The following HOOK3 variants were observed in gnomAD, a reference collection of about 807,000 sequenced individuals.
HOOK3 encodes protein Hook homolog 3.
A neutral mutation model predicts 116.3 loss-of-function variants in HOOK3; 24 were observed. The ratio of observed to expected loss-of-function variants is 0.21; its 90% CI spans 0.15 to 0.29. HOOK3 has a LOEUF of 0.29. Ranked by LOEUF, HOOK3 falls within the 10% of genes least tolerant of loss-of-function variation. HOOK3 has a pLI of 1.00. For synonymous variants in HOOK3, 275 were observed against 283.0 expected (o/e 0.97, Z 0.28); for missense variants, 632 against 830.2 (o/e 0.76, Z 2.93).
intron 4 of HOOK3, among the ~76,000 whole-genome samples, chr8:42,940,012 C>T (rs191623089): frequency 0.024 from 3,598 of 150,142 alleles, 146 homozygotes; most frequent in African/African-American, 0.083. Flanking sequence ...GGCAGCCAGG[C>T]AGAGGGGCTC....
chr8:42,902,390 G>A (rs565364978), intron 1 of HOOK3, among the ~76,000 whole-genome samples: 3 of 151,054 alleles, frequency 2.0e-5, no homozygotes, highest in Non-Finnish European at 2.9e-5. Context: ...TCCCACCTCC[G>A]CCTCCTGAAT....
chr8:42,913,084 A>T (rs1291809416), intron 2 of HOOK3, among the ~76,000 whole-genome samples: 1 of 150,460 alleles, frequency 6.6e-6, no homozygotes, highest in Non-Finnish European at 1.5e-5. Flanking sequence ...TTGATGGCTC[A>T]TTTTTTTTTA....
intron 4 of HOOK3, among the ~76,000 whole-genome samples, chr8:42,931,590 C>G (rs1249026965): frequency 6.7e-6 from 1 of 148,394 alleles, no homozygotes; most frequent in Non-Finnish European, 1.5e-5. Flanking sequence ...TGCCACCATG[C>G]CCGGCTAATT....
At chr8:42,925,079 G>C (rs974294104) in intron 2 of HOOK3, among the ~76,000 whole-genome samples, 1 of 151,684 alleles carries the variant, frequency 6.6e-6, no homozygotes, top group Non-Finnish European at 1.5e-5. Context: ...TTTTTTTGTT[G>C]TTGTTGTTTT....
At chr8:42,969,781 C>T (rs1301556687) in intron 11 of HOOK3, among the ~76,000 whole-genome samples, 3 of 152,078 alleles carry the variant, frequency 2.0e-5, no homozygotes, top group Non-Finnish European at 4.4e-5. Flanking sequence ...TGTAAATTTC[C>T]TATTTTTATC....
rs1342877925 is a variant in HOOK3, at chr8:43,025,705, TGATGA to T, written c.*7215_*7219del. ...TTAGGTCGCCAAGGATACTATGATT[TGATGA>T]GATGAGAAGAAATCTGCGGTGGCTG... On this transcript the variant is annotated 3_prime_UTR_variant, in exon 22 of 22. Transcript: ENST00000307602. 1 of 215,018 alleles carries T rather than the reference TGATGA, an allele frequency of 4.7e-6. No homozygotes were observed. Among genetic ancestry groups the T allele is most frequent in the African/African-American group, 2.3e-5 (1 of 44,286 alleles). The allele number at this position is 215,018 out of a possible 1,614,324, so 13.3% of individuals were successfully genotyped here. A position where few individuals can be genotyped will look rare whatever the true frequency, so the allele number is the denominator to read the frequency against.
intron 4 of HOOK3, among the ~76,000 whole-genome samples, chr8:42,930,937 G>A (rs899612692): frequency 2.6e-5 from 4 of 152,098 alleles, no homozygotes; most frequent in Admixed American, 1.3e-4. Flanking sequence ...AAGTAGTCTC[G>A]CTGGTGACCC....
chr8:42,901,040 T>C (rs994587573), intron 1 of HOOK3, among the ~76,000 whole-genome samples: 29 of 152,256 alleles, frequency 1.9e-4, no homozygotes, highest in African/African-American at 6.8e-4. Flanking sequence ...GTGTGGGCAC[T>C]GCACTATGCG....
intron 4 of HOOK3, among the ~76,000 whole-genome samples, chr8:42,931,425 CTTTTTTTTTTTT>C (rs764965780): frequency 9.9e-6 from 1 of 100,584 alleles, no homozygotes; most frequent in African/African-American, 4.4e-5. Context: ...CTTCTCTTCT[CTTTTTTTTTTTT>C]TTTTTTTTTT....
chr8:42,981,305 G>T (rs539405368), intron 13 of HOOK3, among the ~76,000 whole-genome samples: 1 of 151,574 alleles, frequency 6.6e-6, no homozygotes, highest in Non-Finnish European at 1.5e-5. Context: ...CGCCCACCTC[G>T]GCCTCCCAAA....
chr8:42,940,157 G>A (rs529907653), intron 4 of HOOK3, among the ~76,000 whole-genome samples: 1 of 152,380 alleles, frequency 6.6e-6, no homozygotes, highest in Non-Finnish European at 1.5e-5. Flanking sequence ...GCTGCAGCGA[G>A]CTGAGATCAC....
intron 16 of HOOK3, 88 bp from the exon 17 acceptor site, chr8:43,002,019 T>G: frequency 2.4e-6 from 2 of 844,100 alleles, no homozygotes; most frequent in Non-Finnish European, 3.8e-6. Context: ...TCACTCAAAA[T>G]TAATGACTAT....
intron 13 of HOOK3, among the ~76,000 whole-genome samples, chr8:42,982,254 TAAAAAAAAAAAAAAAAG>T (rs1332530458): frequency 2.2e-5 from 2 of 89,624 alleles, no homozygotes; most frequent in Non-Finnish European, 4.4e-5. Flanking sequence ...GACTCTGTCT[TAAAAAAAAAAAAAAAAG>T]AAAAAAAAAA....
intron 2 of HOOK3, among the ~76,000 whole-genome samples, chr8:42,907,712 G>T (rs1172558995): frequency 1.4e-5 from 2 of 141,656 alleles, no homozygotes; most frequent in African/African-American, 5.2e-5. Flanking sequence ...CCAGAAGAAA[G>T]AAAGTATATA....
chr8:42,948,160 G>A (rs1808270782), intron 5 of HOOK3, among the ~76,000 whole-genome samples: 1 of 152,086 alleles, frequency 6.6e-6, no homozygotes, highest in Admixed American at 6.6e-5. Context: ...TATGTGACTT[G>A]CCCAATACTT....
In HOOK3 at chr8:43,027,416, G is replaced by GTTTTT. The variant is rs1809951703; in HGVS notation, c.*8920_*8921insTTTTT. On this transcript the variant is annotated 3_prime_UTR_variant, in exon 22 of 22. Coordinates refer to ENST00000307602, the MANE Select transcript of HOOK3 (RefSeq NM_032410.4). The stretch of plus-strand genomic sequence containing the variant: ...TGCTTATGAGAACATTCTGTCATTT[G>GTTTTT]TTCTGTTTGTAGATGAGAGACATGC... 1 of 481,350 alleles carries GTTTTT rather than the reference G, an allele frequency of 2.1e-6. No homozygotes were observed. The highest frequency in any genetic ancestry group is 2.5e-5 in the Admixed American group (1 of 39,888). 29.8% of individuals were successfully genotyped at this position (481,350 alleles called of 1,614,324 possible). A position where few individuals can be genotyped will look rare whatever the true frequency, so the allele number is the denominator to read the frequency against.
intron 2 of HOOK3, among the ~76,000 whole-genome samples, chr8:42,906,771 C>T (rs2130323754): frequency 6.6e-6 from 1 of 152,304 alleles, no homozygotes; most frequent in Middle Eastern, 3.4e-3. Flanking sequence ...AACACATATA[C>T]ACAGAATGTA....
chr8:42,994,086 G>A (rs1182628170), intron 15 of HOOK3, among the ~76,000 whole-genome samples: 1 of 151,970 alleles, frequency 6.6e-6, no homozygotes, highest in Non-Finnish European at 1.5e-5. Flanking sequence ...GCGCGATCTC[G>A]GCTCATGCAA....
In HOOK3 at chr8:43,018,801, G is replaced by A. The variant is rs902554312; in HGVS notation, c.*303G>A. On this transcript the variant is annotated 3_prime_UTR_variant, in exon 22 of 22. Transcript: ENST00000307602. ...AAATGTCCTCTTCTTCAAAGGTATAGGCTTTGTAATGAATTAGATTTTCTG... is the reference window on the plus strand; with the variant it reads ...AAATGTCCTCTTCTTCAAAGGTATAAGCTTTGTAATGAATTAGATTTTCTG... 5.5e-5 allele frequency: 15 copies of A among 272,852 alleles called. No homozygotes were observed. Among genetic ancestry groups the A allele is most frequent in the South Asian group, 3.1e-4 (2 of 6,482 alleles). 16.9% of individuals were successfully genotyped at this position (272,852 alleles called of 1,614,324 possible). A position where few individuals can be genotyped will look rare whatever the true frequency, so the allele number is the denominator to read the frequency against.
Sources: gnomAD v4.1 joint callset for allele counts (sites outside exome capture counted in the v4.1 genomes callset) on GRCh38, gnomAD v4.1.1 for gene constraint, MANE v1.5 for transcripts, NCBI Gene and HGNC (gene_info 2026-07-23, HGNC 2026-07-21) for gene names.